Variants in MARCHF4 observed in about 807,000 individuals in gnomAD.
MARCHF4 encodes membrane associated ring-CH-type finger 4.
Under a neutral mutation model 43.9 loss-of-function variants are expected in MARCHF4, and 14 were observed. The observed-to-expected ratio is 0.32, with a 90% CI of 0.21 to 0.50. The LOEUF (loss-of-function observed/expected upper bound fraction) is 0.50, where lower values mean the gene tolerates loss of function less well. Among genes scored for constraint, MARCHF4 ranks in the 20% least tolerant of loss-of-function variants. MARCHF4 has a pLI of 0.98. For missense variants in MARCHF4, 468 were observed against 536.7 expected, an observed-to-expected ratio of 0.87 and a Z score of 1.27; for synonymous variants, 226 against 213.3, an observed-to-expected ratio of 1.06 and a Z score of -0.52.
At chr2:216,295,991 G>T (rs1356708794) in intron 1 of MARCHF4, among the ~76,000 whole-genome samples, 1 of 152,052 alleles carries the variant, frequency 6.6e-6, no homozygotes, top group Non-Finnish European at 1.5e-5. Flanking sequence ...ACTAAAAATA[G>T]AAAAATTAGC....
chr2:216,323,806 T>A (rs1460503650), intron 1 of MARCHF4, among the ~76,000 whole-genome samples: 1 of 151,742 alleles, frequency 6.6e-6, no homozygotes, highest in Non-Finnish European at 1.5e-5. Context: ...TGGGACGCAT[T>A]CAAAGCAGTG....
At chr2:216,345,662 G>C (rs1211189033) in intron 1 of MARCHF4, among the ~76,000 whole-genome samples, 1 of 152,178 alleles carries the variant, frequency 6.6e-6, no homozygotes, top group Non-Finnish European at 1.5e-5. Flanking sequence ...TAATATGCCA[G>C]CTAAGAATGA....
At chr2:216,268,478 A>C (rs1481933477) in intron 3 of MARCHF4, among the ~76,000 whole-genome samples, 1 of 152,198 alleles carries the variant, frequency 6.6e-6, no homozygotes, top group Non-Finnish European at 1.5e-5. Context: ...GTGAATTCTC[A>C]CAAGATCTGT....
At position 216,324,187 on chromosome 2, in the gene MARCHF4, C is replaced by T. The variant is rs533194021; in HGVS notation, c.517-40458G>A. On this transcript the variant is annotated intron_variant, in intron 1 of 3. Coordinates refer to ENST00000273067, the MANE Select transcript of MARCHF4 (RefSeq NM_020814.3). ...TACCATCAGAGAATACTACAAACAC[C>T]TCTATGCAAATAAACTAGAAAATCT... 2.0e-5 allele frequency among the ~76,000 whole-genome samples: 3 copies of T among 147,810 alleles called. No homozygotes were observed. In the South Asian group the frequency reaches 6.9e-4, roughly 34 times the overall value.
At chr2:216,261,344 C>T (rs889826847) in intron 3 of MARCHF4, among the ~76,000 whole-genome samples, 2 of 152,182 alleles carry the variant, frequency 1.3e-5, no homozygotes, top group African/African-American at 4.8e-5. Context: ...TCTTGCATCA[C>T]TCCAGCCTCT....
chr2:216,302,070 A>AC (rs1691500067), intron 1 of MARCHF4, among the ~76,000 whole-genome samples: 1 of 152,226 alleles, frequency 6.6e-6, no homozygotes, highest in South Asian at 2.1e-4. Context: ...TGCTTTCAGG[A>AC]AACTATTTTG....
intron 1 of MARCHF4, among the ~76,000 whole-genome samples, chr2:216,343,267 G>C (rs547832106): frequency 6.6e-6 from 1 of 152,254 alleles, no homozygotes; most frequent in Non-Finnish European, 1.5e-5. Context: ...CCCAGTTCTG[G>C]AGGCTGGAAA....
intron 2 of MARCHF4, among the ~76,000 whole-genome samples, chr2:216,280,250 A>G (rs1338676828): frequency 6.6e-6 from 1 of 152,028 alleles, no homozygotes; most frequent in East Asian, 1.9e-4. Flanking sequence ...GGCTGCCACC[A>G]GATCCCCACT....
intron 2 of MARCHF4, among the ~76,000 whole-genome samples, chr2:216,281,310 G>A (rs1451841881): frequency 6.6e-6 from 1 of 152,050 alleles, no homozygotes; most frequent in Non-Finnish European, 1.5e-5. Context: ...TGATCCTCCA[G>A]CCTCAGCCTC....
intron 3 of MARCHF4, among the ~76,000 whole-genome samples, chr2:216,271,372 G>A (rs1236412399): frequency 6.6e-6 from 1 of 152,192 alleles, no homozygotes; most frequent in Non-Finnish European, 1.5e-5. Flanking sequence ...ACTAGCTCAA[G>A]GATAGGGTTT....
chr2:216,319,644 GA>G (rs113471735), intron 1 of MARCHF4, among the ~76,000 whole-genome samples: 30,308 of 152,120 alleles, frequency 0.2, 4,481 homozygotes, highest in African/African-American at 0.41. Context: ...AGAAGCTATA[GA>G]AACTTTTATT....
rs1444663506 is a variant in MARCHF4 at position 216,259,460 on chromosome 2, G to A, written c.1085C>T (p.Ala362Val). Reference sequence around the variant, plus strand: ...GCCTGAGGGGTGGCCGGCAGCCTGGGCAGGGCCCTGCTCAGGGGCAGGGGT... The same window carrying A: ...GCCTGAGGGGTGGCCGGCAGCCTGGACAGGGCCCTGCTCAGGGGCAGGGGT... Reference protein sequence around the residue: ...AGTPAPEQGPAQAAGHPSGPL... With the variant: ...AGTPAPEQGPVQAAGHPSGPL... Residue 362 changes from alanine to valine, a missense_variant, in exon 4 of 4, where the codon GCC (alanine) becomes GTC (valine). Coordinates refer to ENST00000273067, the MANE Select transcript of MARCHF4 (RefSeq NM_020814.3). 1.2e-6 allele frequency: 2 copies of A among 1,614,172 alleles called. No individual in the cohort carries two copies. Among genetic ancestry groups the A allele is most frequent in the Admixed American group, 1.7e-5 (1 of 60,022 alleles).
At chr2:216,333,823 C>T (rs1692117299) in intron 1 of MARCHF4, among the ~76,000 whole-genome samples, 2 of 152,178 alleles carry the variant, frequency 1.3e-5, no homozygotes, top group Admixed American at 1.3e-4. Flanking sequence ...ATCTCAACAC[C>T]CTTAGGAACT....
At chr2:216,344,603 C>T (rs1256155923) in intron 1 of MARCHF4, among the ~76,000 whole-genome samples, 1 of 152,016 alleles carries the variant, frequency 6.6e-6, no homozygotes, top group African/African-American at 2.4e-5. Context: ...CTAAAAGGCC[C>T]CTTATTTTTA....
At chr2:216,305,507 T>C (rs779784446) in intron 1 of MARCHF4, among the ~76,000 whole-genome samples, 26 of 152,136 alleles carry the variant, frequency 1.7e-4, no homozygotes, top group Non-Finnish European at 3.2e-4. Context: ...GACAAAAATT[T>C]CAGAGGCAAG....
chr2:216,265,687 G>A, intron 3 of MARCHF4: 1 of 152,114 alleles, frequency 6.6e-6, no homozygotes, highest in Non-Finnish European at 1.5e-5. Context: ...TAGATACAGG[G>A]TTTTGCCATG....
Position 216,370,426 on chromosome 2 carries a change from CTGAGAA to C in MARCHF4, c.-172_-167del. 1.8e-6 allele frequency: 1 copy of C among 554,364 alleles called. No homozygotes were observed. The highest frequency in any genetic ancestry group is 1.9e-5 in the African/African-American group (1 of 52,748). 34.3% of individuals were successfully genotyped at this position (554,364 alleles called of 1,614,324 possible). A position where few individuals can be genotyped will look rare whatever the true frequency, so the allele number is the denominator to read the frequency against. On this transcript the variant is annotated 5_prime_UTR_variant, in exon 1 of 4. Coordinates refer to ENST00000273067, the MANE Select transcript of MARCHF4 (RefSeq NM_020814.3). ...AGTAGCAAATAAATTGCTCCCAGGA[CTGAGAA>C]GTGTGAGTCACTGGTTCTGAACTCC...
intron 1 of MARCHF4, among the ~76,000 whole-genome samples, chr2:216,314,708 A>AGGAAACCAGGTTTAGGTTTCCT (rs1367928296): frequency 6.6e-6 from 1 of 152,174 alleles, no homozygotes; most frequent in Non-Finnish European, 1.5e-5. Context: ...AACCTCCTTT[A>AGGAAACCAGGTTTAGGTTTCCT]GGTTATGTAA....
intron 1 of MARCHF4, among the ~76,000 whole-genome samples, chr2:216,310,075 G>C (rs559770864): frequency 7.3e-6 from 1 of 137,590 alleles, no homozygotes; most frequent in African/African-American, 2.8e-5. Context: ...GATAGGCAAA[G>C]TATAGAACCA....
Sources: allele counts gnomAD v4.1 joint callset (sites outside exome capture counted in the v4.1 genomes callset), GRCh38; gene constraint gnomAD v4.1.1; transcripts MANE v1.5; gene names NCBI Gene and HGNC (gene_info 2026-07-23, HGNC 2026-07-21).